The following HOXB3 variants were observed in gnomAD, a reference collection of about 807,000 sequenced individuals.
The protein encoded by HOXB3 is homeobox B3.
Under a neutral mutation model 29.2 loss-of-function variants are expected in HOXB3, and 17 were observed. The observed-to-expected ratio is 0.58, with a 90% CI of 0.40 to 0.87. The LOEUF (loss-of-function observed/expected upper bound fraction) is 0.87, where lower values mean the gene tolerates loss of function less well. HOXB3 is among the 40% of genes least tolerant of loss of function. HOXB3 has a pLI of 0.00. For synonymous variants in HOXB3, 317 were observed against 285.9 expected (o/e 1.11, Z -1.10); for missense variants, 637 against 616.3 (o/e 1.03, Z -0.35).
In HOXB3 at chr17:48,550,862, C is replaced by G; in HGVS notation, c.768G>C (p.Ser256=). Residue 256 remains serine (S), a synonymous_variant, in exon 5 of 5, where the codon TCG becomes TCC. Coordinates refer to ENST00000498678, the MANE Select transcript of HOXB3 (RefSeq NM_001384749.1). ...DQKAKGLASS[S]GGPSPAGSPP... ...GGCTGCCGGCTGGAGATGGGCCCCC[C>G]GACGACGAGGCCAATCCCTTGGCCT... 6.2e-7 allele frequency: 1 copy of G among 1,613,900 alleles called. No individual in the cohort carries two copies. Among genetic ancestry groups the G allele is most frequent in the African/African-American group, 1.3e-5 (1 of 74,982 alleles).
rs766756049 is a variant in HOXB3, at chr17:48,551,106, C to A, written c.524G>T (p.Gly175Val). 1.5e-6 allele frequency: 2 copies of A among 1,372,084 alleles called. No homozygotes were observed. The highest frequency in any genetic ancestry group is 1.9e-6 in the Non-Finnish European group (2 of 1,060,534). 85.0% of individuals were successfully genotyped at this position (1,372,084 alleles called of 1,614,324 possible). Residue 175 changes from glycine to valine, a missense_variant, in exon 5 of 5, where the codon GGC (glycine) becomes GTC (valine). By Grantham distance (109) the Gly-to-Val change is moderately radical (BLOSUM62 -3). Coordinates refer to ENST00000498678, the MANE Select transcript of HOXB3 (RefSeq NM_001384749.1). Reference sequence around the variant, plus strand: ...CGGGGGGCTCTTGTCCCCTCCCCCGCCGCCGCCGCCACCGCCCCCGCTGCC... The same window carrying A: ...CGGGGGGCTCTTGTCCCCTCCCCCGACGCCGCCGCCACCGCCCCCGCTGCC... ...SGGSGGGGGG[G>V]GGGDKSPPGS... is the part of the protein sequence containing the mutation.
intron 1 of HOXB3, among the ~76,000 whole-genome samples, chr17:48,586,341 C>T (rs2144918769): frequency 6.6e-6 from 1 of 152,358 alleles, no homozygotes; most frequent in South Asian, 2.1e-4. Flanking sequence ...CAAATTTCCC[C>T]TCTTCCTCTT....
chr17:48,555,675 C>G (rs2068956767), intron 2 of HOXB3, 57 bp from the exon 3 acceptor site: 1 of 694,688 alleles, frequency 1.4e-6, no homozygotes, highest in East Asian at 2.7e-5. Context: ...CCCCGCCCCC[C>G]CGCCCCCGCC....
chr17:48,550,636 G>A lies in HOXB3; in HGVS notation c.994C>T (p.His332Tyr). The change falls in exon 5 of 5, where the codon CAC becomes TAC. Residue 332 changes from histidine (H) to tyrosine (Y), a missense_variant. Physicochemically the swap from His to Tyr is moderately conservative, Grantham distance 83. Transcript: ENST00000498678. ...PPTPAPEYEP[H>Y]VLQANGGAYG... Reference sequence around the variant, plus strand: ...GCGCCCCCGTTGGCTTGGAGGACGTGCGGCTCATACTCGGGCGCCGGGGTC... The same window carrying A: ...GCGCCCCCGTTGGCTTGGAGGACGTACGGCTCATACTCGGGCGCCGGGGTC... 6.6e-7 allele frequency: 1 copy of A among 1,524,742 alleles called. No homozygotes were observed. The highest frequency in any genetic ancestry group is 1.4e-5 in the African/African-American group (1 of 71,922). The allele number at this position is 1,524,742 out of a possible 1,614,324, so 94.5% of individuals were successfully genotyped here. A position where few individuals can be genotyped will look rare whatever the true frequency, so the allele number is the denominator to read the frequency against.
intron 2 of HOXB3, among the ~76,000 whole-genome samples, chr17:48,559,398 T>C (rs1180825373): frequency 6.6e-6 from 1 of 152,184 alleles, no homozygotes. Flanking sequence ...AAAATTTGCC[T>C]GGCCCAAAGG....
At chr17:48,589,874 T>A (rs769851741) in intron 1 of HOXB3, among the ~76,000 whole-genome samples, 1 of 151,862 alleles carries the variant, frequency 6.6e-6, no homozygotes, top group Non-Finnish European at 1.5e-5. Flanking sequence ...GGAGCATGGA[T>A]CCCCCACACA....
chr17:48,554,984 A>T lies in HOXB3; in HGVS notation c.-159+547T>A. On this transcript the variant is annotated intron_variant, in intron 3 of 4. Transcript: ENST00000498678. The surrounding 1 kb of genome is among the most constrained non-coding windows in gnomAD (Gnocchi z 4.1). ...TCCATGTTGGAAAAATTCAGGTTCCATATGGCTCCTCGGGAGGGAGGGAGG... is the reference window on the plus strand; with the variant it reads ...TCCATGTTGGAAAAATTCAGGTTCCTTATGGCTCCTCGGGAGGGAGGGAGG... 1.7e-6 allele frequency: 1 copy of T among 572,658 alleles called. No homozygotes were observed. Among genetic ancestry groups the T allele is most frequent in the Non-Finnish European group, 3.1e-6 (1 of 317,804 alleles). The allele number at this position is 572,658 out of a possible 1,614,324, so 35.5% of individuals were successfully genotyped here.
chr17:48,576,963 T>G (rs1567963387), intron 1 of HOXB3: 28 of 1,613,896 alleles, frequency 1.7e-5, no homozygotes, highest in Non-Finnish European at 2.4e-5. Flanking sequence ...CAAGACCTGC[T>G]GGCGCGTGTA....
rs1162862858 is a variant in HOXB3 at position 48,550,127 on chromosome 17, G to A, written c.*207C>T. On this transcript the variant is annotated 3_prime_UTR_variant, in exon 5 of 5. Transcript: ENST00000498678. ...ATATGATGTGGATTCCTTTCCGATG[G>A]GTTGGCAGGCAGATGGAACAAGGGG... The A allele has an allele frequency of 3.3e-6, 2 of 610,648 alleles. No individual in the cohort carries two copies. The highest frequency in any genetic ancestry group is 3.0e-5 in the Admixed American group (1 of 32,908). The allele number at this position is 610,648 out of a possible 1,614,324, so 37.8% of individuals were successfully genotyped here.
rs1297998898 is a variant in HOXB3, at chr17:48,554,982, C to T, written c.-159+549G>A. On this transcript the variant is annotated intron_variant, in intron 3 of 4. Transcript: ENST00000498678. This position sits in a 1 kb window ranked among gnomAD's most constrained non-coding sequence, Gnocchi z 4.1. ...CCTCCATGTTGGAAAAATTCAGGTT[C>T]CATATGGCTCCTCGGGAGGGAGGGA... 2 of 609,822 alleles carry T rather than the reference C, an allele frequency of 3.3e-6. No homozygotes were observed. The highest frequency in any genetic ancestry group is 5.9e-6 in the Non-Finnish European group (2 of 341,156). The allele number at this position is 609,822 out of a possible 1,614,324, so 37.8% of individuals were successfully genotyped here.
rs763845981 is a variant in HOXB3 at position 48,555,335 on chromosome 17, G to GGA, written c.-159+194_-159+195dup. ...AGGAAGAGAGAGGGGAGAGAGAGAGGGAGAGAGAGAGAGAGAGAGAGAGAG... is the reference window on the plus strand; with the variant it reads ...AGGAAGAGAGAGGGGAGAGAGAGAGGGAGAGAGAGAGAGAGAGAGAGAGAGAG... On this transcript the variant is annotated intron_variant, in intron 3 of 4. Transcript: ENST00000498678. The GGA allele has an allele frequency of 6.4e-3, 2,979 of 468,918 alleles. 1 individual carries two copies. The highest frequency in any genetic ancestry group is 0.015 in the South Asian group (641 of 44,200). The allele number at this position is 468,918 out of a possible 1,614,324, so 29.0% of individuals were successfully genotyped here. A position where few individuals can be genotyped will look rare whatever the true frequency, so the allele number is the denominator to read the frequency against.
intron 1 of HOXB3, among the ~76,000 whole-genome samples, chr17:48,577,468 T>G (rs2069804552): frequency 6.6e-6 from 1 of 152,202 alleles, no homozygotes; most frequent in South Asian, 2.1e-4. Context: ...GGAGTCAGAC[T>G]GGAAGAAAGG....
intron 2 of HOXB3, among the ~76,000 whole-genome samples, chr17:48,571,141 G>A (rs1439716807): frequency 1.3e-5 from 2 of 152,194 alleles, no homozygotes; most frequent in Non-Finnish European, 2.9e-5. Context: ...GCCTGATCGC[G>A]AGCCGAGCAC....
intron 1 of HOXB3, among the ~76,000 whole-genome samples, chr17:48,586,362 A>G (rs766506041): frequency 6.6e-6 from 1 of 152,168 alleles, no homozygotes; most frequent in Non-Finnish European, 1.5e-5. Flanking sequence ...GGAGCCTGCA[A>G]TCAGTAAATT....
intron 2 of HOXB3, among the ~76,000 whole-genome samples, chr17:48,573,304 T>C (rs1188625709): frequency 6.6e-6 from 1 of 152,130 alleles, no homozygotes; most frequent in Non-Finnish European, 1.5e-5. Context: ...AAAAAGAACA[T>C]ATCCACTTAT....
At chr17:48,569,400 T>C (rs1047729981) in intron 2 of HOXB3, among the ~76,000 whole-genome samples, 1 of 151,430 alleles carries the variant, frequency 6.6e-6, no homozygotes, top group Admixed American at 6.6e-5. Context: ...CTAACCCCCA[T>C]GGACACACAC....
At chr17:48,553,810 C>T (rs915612011) in intron 3 of HOXB3, 10 of 152,188 alleles carry the variant, frequency 6.6e-5, no homozygotes, top group African/African-American at 2.4e-4. Context: ...CTTCTGACTG[C>T]ATTTTTTTCC....
intron 2 of HOXB3, among the ~76,000 whole-genome samples, chr17:48,567,785 C>T: frequency 6.6e-6 from 1 of 152,356 alleles, no homozygotes; most frequent in African/African-American, 2.4e-5. Context: ...TAGCCCCAAA[C>T]ACAGAGTCCC....
In HOXB3 at chr17:48,551,084, G is replaced by T. The variant is rs1237326651; in HGVS notation, c.546C>A (p.Pro182=). 1 of 1,510,102 alleles carries T rather than the reference G, an allele frequency of 6.6e-7. No individual in the cohort carries two copies. The highest frequency in any genetic ancestry group is 1.3e-5 in the South Asian group (1 of 77,152). The allele number at this position is 1,510,102 out of a possible 1,614,324, so 93.5% of individuals were successfully genotyped here. The change falls in exon 5 of 5, where the codon CCC becomes CCA. Residue 182 remains proline, a synonymous_variant. Coordinates refer to ENST00000498678, the MANE Select transcript of HOXB3 (RefSeq NM_001384749.1). ...GGGGGGGDKS[P]PGSAASKRAR... ...CCCGCTTGGACGCCGCCGACCCCGG[G>T]GGGCTCTTGTCCCCTCCCCCGCCGC...
Sources: allele counts gnomAD v4.1 joint callset (sites outside exome capture counted in the v4.1 genomes callset), GRCh38; gene constraint gnomAD v4.1.1; non-coding constraint Gnocchi (gnomAD v3.1); transcripts MANE v1.5; gene names NCBI Gene and HGNC (gene_info 2026-07-23, HGNC 2026-07-21).